The following STRA6 variants were observed in gnomAD, a reference collection of about 807,000 sequenced individuals.
STRA6 encodes signaling receptor and transporter of retinol STRA6, also known as receptor for retinol uptake STRA6.
Under a neutral mutation model 83.6 loss-of-function variants are expected in STRA6, and 48 were observed. The ratio of observed to expected loss-of-function variants is 0.57; its 90% confidence interval spans 0.46 to 0.73. The LOEUF (loss-of-function observed/expected upper bound fraction) is 0.73. STRA6 is among the 30% of genes least tolerant of loss of function. The pLI, the probability that STRA6 is intolerant of heterozygous loss-of-function variation, is 0.00. For missense variants in STRA6, 760 were observed against 838.8 expected (o/e 0.91, Z 1.16); for synonymous variants, 353 against 362.3 (o/e 0.97, Z 0.29).
chr15:74,195,174 G>A, intron 7 of STRA6, 128 bp downstream of exon 7: 4 of 1,530,008 alleles, frequency 2.6e-6, no homozygotes, highest in Non-Finnish European at 3.5e-6. Flanking sequence ...TTGAAGGCAT[G>A]GAATCCCATG....
chr15:74,189,380 A>T, intron 11 of STRA6, 103 bp from the exon 12 acceptor site: 1 of 1,480,242 alleles, frequency 6.8e-7, no homozygotes, highest in Non-Finnish European at 9.1e-7. Context: ...CCCCAGCCAC[A>T]TGCCCATTGC....
At chr15:74,211,917 CTGT>C (rs1173699007), upstream of STRA6, among the ~76,000 whole-genome samples, 2 of 152,144 alleles carry the variant, frequency 1.3e-5, no homozygotes, top group Non-Finnish European at 2.9e-5. Flanking sequence ...ATCACTCTCT[CTGT>C]TGTTTCCTTT....
intron 14 of STRA6, 61 bp from the exon 15 acceptor site, chr15:74,182,521 C>T (rs568420789): frequency 8.5e-6 from 12 of 1,416,048 alleles, no homozygotes; most frequent in African/African-American, 2.8e-5. Flanking sequence ...TGGCCATCCC[C>T]GCTGCCCCCA....
At position 74,183,941 on chromosome 15, in the gene STRA6, G is replaced by C; in HGVS notation, c.1215C>G (p.Pro405=). ...LHRGAALDLS[P]LHRSPHPSRQ... is the part of the protein sequence containing the mutation. Reference sequence around the variant, plus strand: ...GGGAGGGATGGGGACTCCGATGCAAGGGACTCAAGTCCAGGGCAGCTCCTC... The same window carrying C: ...GGGAGGGATGGGGACTCCGATGCAACGGACTCAAGTCCAGGGCAGCTCCTC... The change falls in exon 14 of 19, where the codon CCC becomes CCG. Residue 405 remains proline, a synonymous_variant. Transcript: ENST00000395105. 6.2e-7 allele frequency: 1 copy of C among 1,613,878 alleles called. No homozygotes were observed. The highest frequency in any genetic ancestry group is 8.5e-7 in the Non-Finnish European group (1 of 1,180,036).
intron 7 of STRA6, chr15:74,194,667 T>C (rs2073725204): frequency 1.1e-6 from 1 of 895,588 alleles, no homozygotes. Flanking sequence ...GTTTGTCTTG[T>C]TCATAGCTGT....
In STRA6 at chr15:74,180,250, G is replaced by T; in HGVS notation, c.1841-7C>A. 1 of 1,614,076 alleles carries T rather than the reference G, an allele frequency of 6.2e-7. No homozygotes were observed. Among genetic ancestry groups the T allele is most frequent in the South Asian group, 1.1e-5 (1 of 91,066 alleles). On this transcript the variant is annotated splice_polypyrimidine_tract_variant and splice_region_variant and intron_variant, in intron 18 of 18. Transcript: ENST00000395105. ...GTCTGTAGCAGCTGCATCCCTGAGA[G>T]AGACGGACTTTCTGTGAGTCACTCA...
In STRA6 at chr15:74,193,838, C is replaced by A; in HGVS notation, c.682G>T (p.Val228Leu). 6.2e-7 allele frequency: 1 copy of A among 1,613,996 alleles called. No homozygotes were observed. Reference sequence around the variant, plus strand: ...CCTGTCCTACGGCTGAAGCTTCTCACCAGCTGCACAGGGTACCAAAGGCTC... The same window carrying A: ...CCTGTCCTACGGCTGAAGCTTCTCAACAGCTGCACAGGGTACCAAAGGCTC... ...FLSLWYPVQL[V>L]RSFSRRTGAG... The change falls in exon 8 of 19, where the codon GTG (valine) becomes TTG (leucine). Residue 228 changes from valine (V) to leucine (L), a missense_variant. Physicochemically the swap from Val to Leu is conservative, Grantham distance 32. Transcript: ENST00000395105.
At position 74,180,804 on chromosome 15, in the gene STRA6, G is replaced by C. The variant is rs759448897; in HGVS notation, c.1818C>G (p.Leu606=). The change falls in exon 18 of 19, where the codon CTC becomes CTG. Residue 606 remains leucine, a synonymous_variant. Coordinates refer to ENST00000395105, the MANE Select transcript of STRA6 (RefSeq NM_022369.4). ...CACCTTCGTCTTCCTCCCCTGGTCT[G>C]AGGCTGTCCTGGGGGGCTGCCATGG... The part of the protein sequence containing the change: ...PRTMAAPQDS[L]RPGEEDEGMQ... 1.2e-5 allele frequency: 19 copies of C among 1,611,986 alleles called. No homozygotes were observed. The highest frequency in any genetic ancestry group is 8.3e-5 in the Admixed American group (5 of 59,948).
chr15:74,191,501 C>T lies in STRA6; in HGVS notation c.721-10G>A. ...AGCTGCTCTGCAGCCCCTGTGGAGA[C>T]AGACAATTGAACAAGCAGATGAGAT... is the stretch of plus-strand genomic sequence containing the variant. On this transcript the variant is annotated splice_polypyrimidine_tract_variant and intron_variant, in intron 8 of 18. Transcript: ENST00000395105. 1 of 1,613,558 alleles carries T rather than the reference C, an allele frequency of 6.2e-7. No individual in the cohort carries two copies. The highest frequency in any genetic ancestry group is 8.5e-7 in the Non-Finnish European group (1 of 1,179,526).
At chr15:74,207,844 T>C in intron 1 of STRA6, 1 of 1,531,882 alleles carries the variant, frequency 6.5e-7, no homozygotes, top group South Asian at 1.2e-5. Context: ...CGTGCTTAAT[T>C]CTGGCACCAG....
In STRA6 at chr15:74,196,014, T is replaced by G; in HGVS notation, c.400A>C (p.Ser134Arg). Residue 134 changes from serine (S) to arginine (R), a missense_variant, in exon 5 of 19, where the codon AGC becomes CGC. Coordinates refer to ENST00000395105, the MANE Select transcript of STRA6 (RefSeq NM_022369.4). ...LPFLTLASAP[S>R]QDGKTEAPRG... ...CCTGGGGGTCAGTGGGTACCTTGGCTGGGTGCTGAGGCGAGAGTCAGGAAG... is the reference window on the plus strand; with the variant it reads ...CCTGGGGGTCAGTGGGTACCTTGGCGGGGTGCTGAGGCGAGAGTCAGGAAG... 6.2e-7 allele frequency: 1 copy of G among 1,613,878 alleles called. No individual in the cohort carries two copies. Among genetic ancestry groups the G allele is most frequent in the East Asian group, 2.2e-5 (1 of 44,868 alleles).
At chr15:74,183,793 T>A in intron 14 of STRA6, 63 bp downstream of exon 14, 1 of 1,612,156 alleles carries the variant, frequency 6.2e-7, no homozygotes, top group Non-Finnish European at 8.5e-7. Flanking sequence ...TCTCCCCAAC[T>A]GAGGCCAGTG....
upstream of STRA6, chr15:74,209,577 G>T (rs2074338030): frequency 1.3e-6 from 1 of 741,996 alleles, no homozygotes. Context: ...CCCCCTCGGA[G>T]CTTTCTCTTC....
In STRA6 at chr15:74,182,477, TG is replaced by T; in HGVS notation, c.1301-18del. ...CCAGGAGCCCTGCCAGGGGCGGGAG[TG>T]GCAGGGGGACAGAAAACAGGTTCCA... On this transcript the variant is annotated intron_variant, in intron 14 of 18. Transcript: ENST00000395105. The T allele has an allele frequency of 6.3e-7, 1 of 1,590,906 alleles. No individual in the cohort carries two copies. Among genetic ancestry groups the T allele is most frequent in the South Asian group, 1.1e-5 (1 of 88,300 alleles).
intron 16 of STRA6, 60 bp downstream of exon 16, chr15:74,182,101 G>A (rs1006476396): frequency 2.1e-6 from 3 of 1,422,530 alleles, no homozygotes; most frequent in Non-Finnish European, 3.0e-6. Flanking sequence ...CACAAAAAGA[G>A]AGAGACACCG....
chr15:74,191,946 G>A (rs1056529422), intron 8 of STRA6: 5 of 275,020 alleles, frequency 1.8e-5, no homozygotes, highest in African/African-American at 1.1e-4. Flanking sequence ...CTGCGCAAGG[G>A]AGATCACAAG....
At chr15:74,191,101 C>T in intron 10 of STRA6, 66 bp downstream of exon 10, 2 of 1,594,258 alleles carry the variant, frequency 1.3e-6, no homozygotes, top group Non-Finnish European at 1.7e-6. Context: ...TCCTCCACTG[C>T]AGCCATTCTG....
Position 74,182,297 on chromosome 15 carries a change from G to A in STRA6, c.1419-35C>T, listed in dbSNP as rs772771764. On this transcript the variant is annotated intron_variant, in intron 15 of 18. Transcript: ENST00000395105. ...GGGTGGGGAGGTGGTCGCTGTTAGC[G>A]GACCTCTAAGGAGTCCCTGAGCCCT... 50 of 1,612,558 alleles carry A rather than the reference G, an allele frequency of 3.1e-5. No individual in the cohort carries two copies. In the Admixed American group the frequency reaches 3.5e-4, roughly 11 times the overall value.
At chr15:74,184,952 G>A (rs201400666) in intron 13 of STRA6, 28 bp downstream of exon 13, 19 of 1,609,610 alleles carry the variant, frequency 1.2e-5, no homozygotes, top group East Asian at 4.5e-5. Context: ...CCACCTCGGC[G>A]CTGGGTGAGC....
Sources: allele counts gnomAD v4.1 joint callset (sites outside exome capture counted in the v4.1 genomes callset), GRCh38; gene constraint gnomAD v4.1.1; transcripts MANE v1.5; gene names NCBI Gene and HGNC (gene_info 2026-07-23, HGNC 2026-07-21).